The following EML3 variants were observed in gnomAD, a reference collection of about 807,000 sequenced individuals.
The protein encoded by EML3 is echinoderm microtubule-associated protein-like 3.
In EML3, 53 loss-of-function variants were observed where a neutral mutation model predicts 106.7. The ratio of observed to expected loss-of-function variants is 0.50; its 90% CI spans 0.40 to 0.62. EML3 has a LOEUF of 0.62. Among genes scored for constraint, EML3 ranks in the 20% least tolerant of loss-of-function variants. EML3 has a pLI of 0.00. For missense variants in EML3, 994 were observed against 1,209.1 expected, an observed-to-expected ratio of 0.82 and a Z score of 2.64; for synonymous variants, 499 against 489.6, an observed-to-expected ratio of 1.02 and a Z score of -0.25.
In EML3 at chr11:62,608,792, G is replaced by A. The variant is rs767963334; in HGVS notation, c.943C>T (p.Pro315Ser). ...TDCVRCLAVHPDGVRVASGQT... is the reference protein window; with the variant it reads ...TDCVRCLAVHSDGVRVASGQT... ...CCCGAGGCTACCCGAACACCATCAGGGTGAACAGCAAGGCTAAGGCAGGGG... is the reference window on the plus strand; with the variant it reads ...CCCGAGGCTACCCGAACACCATCAGAGTGAACAGCAAGGCTAAGGCAGGGG... Residue 315 changes from proline to serine, a missense_variant, in exon 8 of 22, where the codon CCT becomes TCT. This residue lies in a region of EML3 where 713 missense variants were observed against 920.5 expected (regional missense o/e 0.77). Coordinates refer to ENST00000394773, the MANE Select transcript of EML3 (RefSeq NM_153265.3). 1.3e-6 allele frequency: 2 copies of A among 1,577,896 alleles called. No homozygotes were observed. The highest frequency in any genetic ancestry group is 2.4e-5 in the South Asian group (2 of 84,196).
At position 62,602,612 on chromosome 11, in the gene EML3, AGTC is replaced by A. The variant is rs779143266; in HGVS notation, c.2551_2553del (p.Asp851del). The A allele has an allele frequency of 1.3e-6, 2 of 1,572,208 alleles. No individual in the cohort carries two copies. Among genetic ancestry groups the A allele is most frequent in the Non-Finnish European group, 1.7e-6 (2 of 1,162,336 alleles). ...TTGCCGCCCAGCGAGACGAGGTGCG[AGTC>A]GTCGTGCGTGAATCGGACGCTGGTC... is the stretch of plus-strand genomic sequence containing the variant. On this transcript the variant is annotated inframe_deletion, in exon 22 of 22. Coordinates refer to ENST00000394773, the MANE Select transcript of EML3 (RefSeq NM_153265.3).
Position 62,611,368 on chromosome 11 carries a change from C to T in EML3, c.195-24G>A, listed in dbSNP as rs750166735. 1.1e-5 allele frequency: 18 copies of T among 1,613,490 alleles called. 2 individuals carry two copies. Among genetic ancestry groups the T allele is most frequent in the Middle Eastern group, 1.7e-4 (1 of 6,058 alleles). ...GACTGCTGGAGAGATGTTGAATTAACCTGAAGCCCCAGAGGCCCCAAGGAG... is the reference window on the plus strand; with the variant it reads ...GACTGCTGGAGAGATGTTGAATTAATCTGAAGCCCCAGAGGCCCCAAGGAG... On this transcript the variant is annotated intron_variant, in intron 2 of 21. Transcript: ENST00000394773.
At chr11:62,603,884 A>G (rs1371022415) in intron 18 of EML3, 60 bp downstream of exon 18, 4 of 1,611,732 alleles carry the variant, frequency 2.5e-6, no homozygotes, top group Non-Finnish European at 3.4e-6. Context: ...CCCTTGATGC[A>G]TCAGACCCCT....
At position 62,608,969 on chromosome 11, in the gene EML3, C is replaced by T. The variant is rs763625042; in HGVS notation, c.922G>A (p.Val308Ile). 8 of 1,613,740 alleles carry T rather than the reference C, an allele frequency of 5.0e-6. No individual in the cohort carries two copies. The highest frequency in any genetic ancestry group is 1.1e-5 in the South Asian group (1 of 91,078). ...CAGCCCCGGACTCCTCACCATCGAA[C>T]GCAGTCTGTGTGCCCCCGGTAATGT... ...QRHYRGHTDC[V>I]RCLAVHPDGV... The change falls in exon 7 of 22, where the codon GTT becomes ATT. Residue 308 changes from valine (V) to isoleucine (I), a missense_variant. By Grantham distance (29) the Val-to-Ile change is conservative. Coordinates refer to ENST00000394773, the MANE Select transcript of EML3 (RefSeq NM_153265.3).
At position 62,602,285 on chromosome 11, in the gene EML3, CG is replaced by C; in HGVS notation, c.*189del. ...AGTCAAGGCCTAGGCTGGGGCTGCC[CG>C]GCTCAGCCAGCGGGTCTAAACAGTG... On this transcript the variant is annotated 3_prime_UTR_variant, in exon 22 of 22. Coordinates refer to ENST00000394773, the MANE Select transcript of EML3 (RefSeq NM_153265.3). 6.4e-7 allele frequency: 1 copy of C among 1,550,476 alleles called. No individual in the cohort carries two copies. The highest frequency in any genetic ancestry group is 1.4e-5 in the African/African-American group (1 of 73,146).
At position 62,602,543 on chromosome 11, in the gene EML3, C is replaced by G. The variant is rs1327726416; in HGVS notation, c.2623G>C (p.Ala875Pro). 9 of 1,487,866 alleles carry G rather than the reference C, an allele frequency of 6.0e-6. No homozygotes were observed. Among genetic ancestry groups the G allele is most frequent in the Admixed American group, 2.4e-5 (1 of 41,914 alleles). The allele number at this position is 1,487,866 out of a possible 1,614,324, so 92.2% of individuals were successfully genotyped here. The stretch of plus-strand genomic sequence containing the variant: ...GAGGGCGTGGCGGGCGCCGGCCCCG[C>G]GCCCCCAGCGCCCAGCACTCGCCAC... ...FQWRVLGAGG[A>P]GPAPATPSRT... The change falls in exon 22 of 22, where the codon GCG (alanine) becomes CCG (proline). Residue 875 changes from alanine (A) to proline (P), a missense_variant. By Grantham distance (27) the Ala-to-Pro change is conservative. Transcript: ENST00000394773.
At chr11:62,607,562 A>G in intron 11 of EML3, 104 bp downstream of exon 11, 1 of 1,333,050 alleles carries the variant, frequency 7.5e-7, no homozygotes, top group Admixed American at 2.4e-5. Flanking sequence ...AAAAGGTCAC[A>G]GGGGCAGGTG....
chr11:62,606,547 A>G (rs1230027625), intron 12 of EML3: 3 of 369,604 alleles, frequency 8.1e-6, no homozygotes, highest in Non-Finnish European at 1.5e-5. Context: ...AGAACTATCA[A>G]CTCTCAAGGT....
chr11:62,606,292 T>A (rs1590748390), intron 12 of EML3, 78 bp from the exon 13 acceptor site: 1 of 1,521,504 alleles, frequency 6.6e-7, no homozygotes, highest in Non-Finnish European at 8.9e-7. Flanking sequence ...GCTGTCGCAA[T>A]ACAGTAAGAA....
At chr11:62,611,682 G>A (rs1381596690) in intron 1 of EML3, 86 bp from the exon 2 acceptor site, 3 of 1,438,686 alleles carry the variant, frequency 2.1e-6, no homozygotes, top group Non-Finnish European at 2.8e-6. Flanking sequence ...AACTTTACAT[G>A]TGTCCGGTAG....
Position 62,605,229 on chromosome 11 carries a change from G to C in EML3, c.1915-49C>G, listed in dbSNP as rs780151666. 3 of 1,572,722 alleles carry C rather than the reference G, an allele frequency of 1.9e-6. No homozygotes were observed. The highest frequency in any genetic ancestry group is 4.5e-5 in the East Asian group (2 of 44,264). On this transcript the variant is annotated intron_variant, in intron 15 of 21. Coordinates refer to ENST00000394773, the MANE Select transcript of EML3 (RefSeq NM_153265.3). The surrounding 1 kb of genome is among the most constrained non-coding windows in gnomAD (Gnocchi z 5.2). ...TCAAGATGATGTCTTTCTAGTGAGG[G>C]AACCAGAGTGAACCCCTTGTCCTCC...
chr11:62,609,558 T>C (rs1942707239), intron 5 of EML3, 71 bp downstream of exon 5: 5 of 1,557,298 alleles, frequency 3.2e-6, no homozygotes, highest in African/African-American at 2.7e-5. Context: ...CTACCCAAAA[T>C]AGCTCCTGGG....
At position 62,604,214 on chromosome 11, in the gene EML3, G is replaced by A. The variant is rs370791469; in HGVS notation, c.1983-13C>T. ...CAAAACCAACCACCTGGAAGGGAGG[G>A]AAGTGGAGGCAGATAGGAAGACGAA... On this transcript the variant is annotated splice_polypyrimidine_tract_variant and intron_variant, in intron 16 of 21. Transcript: ENST00000394773. The A allele has an allele frequency of 1.2e-6, 2 of 1,613,532 alleles. No individual in the cohort carries two copies. The highest frequency in any genetic ancestry group is 1.7e-6 in the Non-Finnish European group (2 of 1,179,730).
intron 8 of EML3, 41 bp from the exon 9 acceptor site, chr11:62,608,693 T>G (rs746876569): frequency 6.2e-7 from 1 of 1,613,810 alleles, no homozygotes; most frequent in East Asian, 2.2e-5. Context: ...AAAATTGGAG[T>G]GCAATTCCAG....
In EML3 at chr11:62,602,688, A is replaced by G; in HGVS notation, c.2488-10T>C. 6.3e-7 allele frequency: 1 copy of G among 1,598,238 alleles called. No individual in the cohort carries two copies. On this transcript the variant is annotated splice_polypyrimidine_tract_variant and intron_variant, in intron 21 of 21. Transcript: ENST00000394773. Reference sequence around the variant, plus strand: ...ACATGCGGCTCGGCGCCTGGGCCGGAGGGAAGAGTTGCGGTGGCGGCTGAG... The same window carrying G: ...ACATGCGGCTCGGCGCCTGGGCCGGGGGGAAGAGTTGCGGTGGCGGCTGAG...
chr11:62,604,784 C>T (rs1030071317), intron 16 of EML3: 2 of 216,832 alleles, frequency 9.2e-6, no homozygotes, highest in African/African-American at 4.6e-5. Flanking sequence ...GACCAGGGGC[C>T]GACTACAAAG....
In EML3 at chr11:62,608,562, C is replaced by T. The variant is rs529529653; in HGVS notation, c.1090G>A (p.Ala364Thr). 1.9e-6 allele frequency: 3 copies of T among 1,613,936 alleles called. No homozygotes were observed. In the South Asian group the frequency reaches 3.3e-5, roughly 18 times the overall value. ...GLGAFERGVG[A>T]LAFSAADQGA... Reference sequence around the variant, plus strand: ...CTCACCGCAGCTGAAAAGGCCAGGGCCCCAACACCCCGCTCGAAGGCCCCC... The same window carrying T: ...CTCACCGCAGCTGAAAAGGCCAGGGTCCCAACACCCCGCTCGAAGGCCCCC... The change falls in exon 9 of 22, where the codon GCC (alanine) becomes ACC (threonine). Residue 364 changes from alanine to threonine, a missense_variant. By Grantham distance (58) the Ala-to-Thr change is moderately conservative. Coordinates refer to ENST00000394773, the MANE Select transcript of EML3 (RefSeq NM_153265.3).
Position 62,608,586 on chromosome 11 carries a change from C to T in EML3, c.1066G>A (p.Gly356Arg), listed in dbSNP as rs201948186. 12 of 1,614,052 alleles carry T rather than the reference C, an allele frequency of 7.4e-6. No homozygotes were observed. The highest frequency in any genetic ancestry group is 1.1e-5 in the South Asian group (1 of 91,090). ...GCCCCAACACCCCGCTCGAAGGCCC[C>T]CAGTCCAATCTCCTGCAGTTTCAAC... is the stretch of plus-strand genomic sequence containing the variant. ...TLLKLQEIGL[G>R]AFERGVGALA... Residue 356 changes from glycine (G) to arginine (R), a missense_variant, in exon 9 of 22, where the codon GGG (glycine) becomes AGG (arginine). This residue lies in a region of EML3 where 713 missense variants were observed against 920.5 expected (regional missense o/e 0.77). Transcript: ENST00000394773.
chr11:62,609,656 C>T lies in EML3; in HGVS notation c.607G>A (p.Gly203Arg), dbSNP rs1313976959. 6.2e-7 allele frequency: 1 copy of T among 1,607,980 alleles called. No individual in the cohort carries two copies. Among genetic ancestry groups the T allele is most frequent in the South Asian group, 1.1e-5 (1 of 90,118 alleles). The change falls in exon 5 of 22, where the codon GGA becomes AGA. Residue 203 changes from glycine to arginine, a missense_variant. Around this residue, in one of 3 missense-constraint regions of EML3, gnomAD observed 269 missense variants for 265.1 expected, o/e 1.01. Transcript: ENST00000394773. ...AAATTGTAATTGCTCCTCCGAGATC[C>T]AGGGCCCCCAGGGCTGGAGAGGGGG... ...KDPLSSPGGP[G>R]SRRSNYNLEG... is the part of the protein sequence containing the mutation.
Sources: allele counts gnomAD v4.1 joint callset, GRCh38; gene constraint gnomAD v4.1.1; regional missense constraint gnomAD v4.1.1; non-coding constraint Gnocchi (gnomAD v3.1); transcripts MANE v1.5; gene names NCBI Gene and HGNC (gene_info 2026-07-23, HGNC 2026-07-21).